EPHB1: variants seen among roughly 807,000 people sequenced by gnomAD.
EPHB1 encodes EPH receptor B1.
EPHB1 carries 30 observed loss-of-function variants against 94.4 expected under a neutral mutation model. The observed-to-expected ratio is 0.32, with a 90% CI of 0.24 to 0.43. The LOEUF is 0.43. EPHB1 is among the 20% of genes least tolerant of loss of function. The probability of loss-of-function intolerance (pLI) is 1.00; values close to 1 mark genes in which losing one functional copy is unlikely to be tolerated. For synonymous variants in EPHB1, 522 were observed against 489.1 expected (o/e 1.07, Z -0.89); for missense variants, 1,055 against 1,308.3 (o/e 0.81, Z 2.99).
intron 3 of EPHB1, among the ~76,000 whole-genome samples, chr3:134,988,627 C>T (rs527721490): frequency 2.4e-4 from 36 of 151,682 alleles, no homozygotes; most frequent in African/African-American, 8.4e-4. Context: ...GAGTTGGCTG[C>T]CCATGAGAGA....
chr3:135,060,013 A>G (rs1937449132), intron 3 of EPHB1, among the ~76,000 whole-genome samples: 1 of 152,248 alleles, frequency 6.6e-6, no homozygotes, highest in Non-Finnish European at 1.5e-5. Flanking sequence ...TTCATCTTCT[A>G]TTTCTGAAAG....
At chr3:135,128,708 A>G (rs1408129355) in intron 4 of EPHB1, among the ~76,000 whole-genome samples, 2 of 152,188 alleles carry the variant, frequency 1.3e-5, no homozygotes, top group Non-Finnish European at 2.9e-5. Flanking sequence ...CTCTCACTGG[A>G]ATATAAGCTC....
intron 12 of EPHB1, among the ~76,000 whole-genome samples, chr3:135,234,791 AACTC>A (rs1217035679): frequency 1.3e-5 from 2 of 152,208 alleles, no homozygotes; most frequent in East Asian, 3.8e-4. Context: ...ATCTTGTGAG[AACTC>A]ACTCACTATC....
chr3:135,173,414 T>C (rs966812250), intron 9 of EPHB1, among the ~76,000 whole-genome samples: 5 of 152,284 alleles, frequency 3.3e-5, no homozygotes, highest in East Asian at 1.9e-4. Flanking sequence ...AACTGGTTTT[T>C]GGGGCAGATC....
At chr3:134,850,681 C>T (rs2036962422) in intron 1 of EPHB1, among the ~76,000 whole-genome samples, 1 of 152,184 alleles carries the variant, frequency 6.6e-6, no homozygotes, top group Admixed American at 6.5e-5. Context: ...ATGCCAGCCC[C>T]AGAAGGCTTT....
intron 3 of EPHB1, among the ~76,000 whole-genome samples, chr3:135,003,786 G>A (rs1417491319): frequency 4.6e-5 from 7 of 151,876 alleles, no homozygotes; most frequent in Middle Eastern, 3.4e-3. Context: ...TGCAACCCCC[G>A]CCTTTTTTTG....
intron 3 of EPHB1, among the ~76,000 whole-genome samples, chr3:135,029,379 G>C (rs1300500667): frequency 1.3e-5 from 2 of 151,410 alleles, no homozygotes; most frequent in East Asian, 3.9e-4. Flanking sequence ...TCCTTTCCAT[G>C]TTTAGCGCTT....
chr3:135,245,284 G>A (rs1943891263), intron 13 of EPHB1, among the ~76,000 whole-genome samples: 1 of 152,064 alleles, frequency 6.6e-6, no homozygotes, highest in Non-Finnish European at 1.5e-5. Flanking sequence ...AGGAAGTCAG[G>A]TGACTCTCCC....
chr3:135,217,052 GAGAAA>G (rs1943164893), intron 12 of EPHB1, among the ~76,000 whole-genome samples: 1 of 152,162 alleles, frequency 6.6e-6, no homozygotes, highest in African/African-American at 2.4e-5. Flanking sequence ...GGATCCATAA[GAGAAA>G]AGGTCAAGAG....
intron 6 of EPHB1, among the ~76,000 whole-genome samples, chr3:135,160,811 G>A (rs1408465357): frequency 6.6e-6 from 1 of 152,202 alleles, no homozygotes; most frequent in Non-Finnish European, 1.5e-5. Flanking sequence ...CAAGAGAAGA[G>A]GCCTTGGGAA....
chr3:135,008,794 G>A (rs1382502852), intron 3 of EPHB1, among the ~76,000 whole-genome samples: 1 of 152,208 alleles, frequency 6.6e-6, no homozygotes, highest in Non-Finnish European at 1.5e-5. Context: ...CCACCACCTA[G>A]CACCTTGGCC....
chr3:135,174,799 G>A (rs931163787), intron 9 of EPHB1, among the ~76,000 whole-genome samples: 3 of 152,176 alleles, frequency 2.0e-5, no homozygotes, highest in South Asian at 2.1e-4. Context: ...AAATGACATC[G>A]TCTGCCTTGA....
chr3:134,893,519 T>G (rs1419994690), intron 1 of EPHB1, among the ~76,000 whole-genome samples: 5 of 151,968 alleles, frequency 3.3e-5, no homozygotes, highest in Non-Finnish European at 7.4e-5. Flanking sequence ...CATGCCCACC[T>G]CAAGAGCCTT....
At chr3:134,830,679 G>A (rs1041424148) in intron 1 of EPHB1, among the ~76,000 whole-genome samples, 6 of 152,198 alleles carry the variant, frequency 3.9e-5, no homozygotes, top group Admixed American at 3.3e-4. Flanking sequence ...ATGTGTAGGA[G>A]AGTGTTCTGG....
chr3:134,930,881 C>T (rs573527920), intron 2 of EPHB1, among the ~76,000 whole-genome samples: 1 of 152,328 alleles, frequency 6.6e-6, no homozygotes, highest in African/African-American at 2.4e-5. Context: ...GTCCTTCACT[C>T]TGTAAGTTAA....
chr3:135,000,059 C>A (rs889551476), intron 3 of EPHB1, among the ~76,000 whole-genome samples: 1 of 152,170 alleles, frequency 6.6e-6, no homozygotes, highest in Non-Finnish European at 1.5e-5. Flanking sequence ...GAAAGTAGTT[C>A]TCTCACCCCT....
At chr3:134,871,251 T>C (rs963520669) in intron 1 of EPHB1, among the ~76,000 whole-genome samples, 2 of 152,248 alleles carry the variant, frequency 1.3e-5, no homozygotes, top group African/African-American at 4.8e-5. Flanking sequence ...CACTTATTTA[T>C]AACATTGCTG....
intron 13 of EPHB1, among the ~76,000 whole-genome samples, chr3:135,244,123 T>G (rs979297567): frequency 2.0e-5 from 3 of 152,132 alleles, no homozygotes; most frequent in Admixed American, 2.0e-4. Context: ...CTCCACCCAG[T>G]CCCAGAGAGC....
At chr3:135,216,183 G>A (rs1366112173) in intron 12 of EPHB1, among the ~76,000 whole-genome samples, 2 of 152,118 alleles carry the variant, frequency 1.3e-5, no homozygotes, top group Non-Finnish European at 2.9e-5. Context: ...CGAGGAGACA[G>A]CGAGGGCACA....
Sources: allele counts gnomAD v4.1 joint callset (sites outside exome capture counted in the v4.1 genomes callset), GRCh38; gene constraint gnomAD v4.1.1; transcripts MANE v1.5; gene names NCBI Gene and HGNC (gene_info 2026-07-23, HGNC 2026-07-21).